The following CNTROB variants were observed in gnomAD, a reference collection of about 807,000 sequenced individuals.
CNTROB encodes centrobin, centriole duplication and spindle assembly protein, also known as centrobin.
A neutral mutation model predicts 115.7 loss-of-function variants in CNTROB; 82 were observed. The observed-to-expected ratio is 0.71, with a 90% CI of 0.59 to 0.85. The LOEUF is 0.85. CNTROB is among the 40% of genes least tolerant of loss of function. The pLI, the probability that CNTROB is intolerant of heterozygous loss-of-function variation, is 0.00. For synonymous variants in CNTROB, 439 were observed against 456.4 expected (o/e 0.96, Z 0.49); for missense variants, 1,014 against 1,144.4 (o/e 0.89, Z 1.64).
At position 7,939,892 on chromosome 17, in the gene CNTROB, G is replaced by T; in HGVS notation, c.1164+143G>T. 9 of 1,045,026 alleles carry T rather than the reference G, an allele frequency of 8.6e-6. No individual in the cohort carries two copies. Among genetic ancestry groups the T allele is most frequent in the Non-Finnish European group, 1.3e-5 (9 of 708,352 alleles). 64.7% of individuals were successfully genotyped at this position (1,045,026 alleles called of 1,614,324 possible). A position where few individuals can be genotyped will look rare whatever the true frequency, so the allele number is the denominator to read the frequency against. On this transcript the variant is annotated intron_variant, in intron 8 of 18. Transcript: ENST00000563694. The surrounding 1 kb of genome is among the most constrained non-coding windows in gnomAD (Gnocchi z 4.4). ...AGCCATGTGTGGGAGACAAGGTTGA[G>T]AGTATAGGGCCAGCAGGAAGGGCTG...
At position 7,939,957 on chromosome 17, in the gene CNTROB, A is replaced by G. The variant is rs1367937025; in HGVS notation, c.1165-139A>G. On this transcript the variant is annotated intron_variant, in intron 8 of 18. Transcript: ENST00000563694. This position sits in a 1 kb window ranked among gnomAD's most constrained non-coding sequence, Gnocchi z 4.4. ...GTGAAAGGCCAAAGACTGAAATTCA[A>G]CAGGGATGGGGAAATAAAACAAATG... 4 of 1,167,164 alleles carry G rather than the reference A, an allele frequency of 3.4e-6. No homozygotes were observed. Among genetic ancestry groups the G allele is most frequent in the South Asian group, 1.5e-5 (1 of 66,988 alleles). The allele number at this position is 1,167,164 out of a possible 1,614,324, so 72.3% of individuals were successfully genotyped here.
intron 3 of CNTROB, chr17:7,934,786 A>G: frequency 2.8e-6 from 2 of 704,884 alleles, no homozygotes; most frequent in Middle Eastern, 6.2e-4. Flanking sequence ...CCCTCTAAAG[A>G]GTTAGCTTGT....
rs762328072 is a variant in CNTROB at position 7,935,108 on chromosome 17, T to G, written c.557T>G (p.Leu186Arg). Residue 186 changes from leucine (L) to arginine (R), a missense_variant, in exon 4 of 19, where the codon CTG (leucine) becomes CGG (arginine). Transcript: ENST00000563694. The stretch of plus-strand genomic sequence containing the variant: ...CTCAATCCCCCAGATTTTCAGGGGC[T>G]GAGAGATGCATTGGATTCAGAGCAT... Reference protein sequence around the residue: ...PPLNPPDFQGLRDALDSEHTR... With the variant: ...PPLNPPDFQGRRDALDSEHTR... 1 of 1,614,082 alleles carries G rather than the reference T, an allele frequency of 6.2e-7. No homozygotes were observed. Among genetic ancestry groups the G allele is most frequent in the Non-Finnish European group, 8.5e-7 (1 of 1,180,022 alleles).
Position 7,944,652 on chromosome 17 carries a change from CT to C in CNTROB, c.1734+16del, listed in dbSNP as rs1477904343. ...CCCAACCCTCCAGTACGCCTTACCC[CT>C]TGAGCTAAGCTTCTCCGTTATGTTC... On this transcript the variant is annotated intron_variant, in intron 12 of 18. Transcript: ENST00000563694. This position sits in a 1 kb window ranked among gnomAD's most constrained non-coding sequence, Gnocchi z 4.0. 4.4e-6 allele frequency: 7 copies of C among 1,593,230 alleles called. No homozygotes were observed. The highest frequency in any genetic ancestry group is 6.0e-6 in the Non-Finnish European group (7 of 1,169,218).
intron 13 of CNTROB, 39 bp downstream of exon 13, chr17:7,946,025 G>T: frequency 1.3e-6 from 2 of 1,581,836 alleles, no homozygotes; most frequent in Non-Finnish European, 8.7e-7. Context: ...CCCCTTCTGT[G>T]CATGAATTGG....
rs1974350820 is a variant in CNTROB at position 7,944,939 on chromosome 17, G to A, written c.1734+301G>A. 6.6e-6 allele frequency among the ~76,000 whole-genome samples: 1 copy of A among 152,144 alleles called. No individual in the cohort carries two copies. Among genetic ancestry groups the A allele is most frequent in the Admixed American group, 6.6e-5 (1 of 15,266 alleles). Reference sequence around the variant, plus strand: ...AGGCCTACATCAGGGGAGAAAAATCGGTGGACTTTACAAATAATAACTGCC... The same window carrying A: ...AGGCCTACATCAGGGGAGAAAAATCAGTGGACTTTACAAATAATAACTGCC... On this transcript the variant is annotated intron_variant, in intron 12 of 18. Coordinates refer to ENST00000563694, the MANE Select transcript of CNTROB (RefSeq NM_053051.5). The surrounding 1 kb of genome is among the most constrained non-coding windows in gnomAD (Gnocchi z 4.0).
rs1233397269 is a variant in CNTROB at position 7,944,090 on chromosome 17, TC to T, written c.1446-32del. 3.8e-6 allele frequency: 6 copies of T among 1,572,250 alleles called. No individual in the cohort carries two copies. In the South Asian group the frequency reaches 6.7e-5, roughly 18 times the overall value. ...AGTTGGTCACTTCTTCTGTCTCCAG[TC>T]TCAGGCCTCTTCTCCTACCTGTGCC... On this transcript the variant is annotated intron_variant, in intron 10 of 18. Transcript: ENST00000563694. This position sits in a 1 kb window ranked among gnomAD's most constrained non-coding sequence, Gnocchi z 4.0.
intron 3 of CNTROB, 37 bp downstream of exon 3, chr17:7,934,583 T>C (rs1439551560): frequency 1.3e-6 from 2 of 1,558,946 alleles, no homozygotes. Flanking sequence ...CTTGTTTGCT[T>C]TCTTGGAAAT....
Position 7,933,269 on chromosome 17 carries a change from C to T in CNTROB, c.190C>T (p.Pro64Ser). Reference sequence around the variant, plus strand: ...GCTGTATTTACCCTCCACCTCCCCGCCTCATGAAGGGTTAGACGGCTTCGC... The same window carrying T: ...GCTGTATTTACCCTCCACCTCCCCGTCTCATGAAGGGTTAGACGGCTTCGC... ...AQLYLPSTSPPHEGLDGFAQE... is the reference protein window; with the variant it reads ...AQLYLPSTSPSHEGLDGFAQE... Residue 64 changes from proline to serine, a missense_variant, in exon 1 of 19, where the codon CCT becomes TCT. Coordinates refer to ENST00000563694, the MANE Select transcript of CNTROB (RefSeq NM_053051.5). 1 of 1,614,226 alleles carries T rather than the reference C, an allele frequency of 6.2e-7. No homozygotes were observed. The highest frequency in any genetic ancestry group is 8.5e-7 in the Non-Finnish European group (1 of 1,180,042).
chr17:7,944,255 G>A lies in CNTROB; in HGVS notation c.1571+7G>A. The A allele has an allele frequency of 6.2e-7, 1 of 1,613,640 alleles. No individual in the cohort carries two copies. The highest frequency in any genetic ancestry group is 8.5e-7 in the Non-Finnish European group (1 of 1,179,530). On this transcript the variant is annotated splice_region_variant and intron_variant, in intron 11 of 18. Transcript: ENST00000563694. The surrounding 1 kb of genome is among the most constrained non-coding windows in gnomAD (Gnocchi z 4.0). ...CTGAGGACTACGAGCTCAGGTCCTG[G>A]TCCCCAGAGTGCCCCTTTCAGGCCC...
At position 7,949,538 on chromosome 17, in the gene CNTROB, C is replaced by G; in HGVS notation, c.*28C>G. 6.3e-7 allele frequency: 1 copy of G among 1,576,662 alleles called. No individual in the cohort carries two copies. The highest frequency in any genetic ancestry group is 8.6e-7 in the Non-Finnish European group (1 of 1,163,118). On this transcript the variant is annotated 3_prime_UTR_variant, in exon 19 of 19. Coordinates refer to ENST00000563694, the MANE Select transcript of CNTROB (RefSeq NM_053051.5). Reference sequence around the variant, plus strand: ...CCCCCTACCCTCTCTCCTCTTTGTTCTCTCATTGTTGTTATTTTAATAAAT... The same window carrying G: ...CCCCCTACCCTCTCTCCTCTTTGTTGTCTCATTGTTGTTATTTTAATAAAT...
intron 13 of CNTROB, among the ~76,000 whole-genome samples, 178 bp downstream of exon 13, chr17:7,946,164 A>T (rs1365535516): frequency 2.0e-5 from 3 of 152,256 alleles, no homozygotes; most frequent in Admixed American, 1.3e-4. Flanking sequence ...TTGAGATCTC[A>T]TGGAAATATG....
chr17:7,934,422 C>T, intron 2 of CNTROB, 43 bp from the exon 3 acceptor site: 1 of 1,590,508 alleles, frequency 6.3e-7, no homozygotes, highest in African/African-American at 1.3e-5. Context: ...CTGTTTTTGT[C>T]ATTACCTGAC....
chr17:7,933,268 G>A lies in CNTROB; in HGVS notation c.189G>A (p.Pro63=). The A allele has an allele frequency of 6.2e-7, 1 of 1,614,210 alleles. No homozygotes were observed. Among genetic ancestry groups the A allele is most frequent in the South Asian group, 1.1e-5 (1 of 91,086 alleles). Residue 63 remains proline (P), a synonymous_variant, in exon 1 of 19, where the codon CCG becomes CCA. Coordinates refer to ENST00000563694, the MANE Select transcript of CNTROB (RefSeq NM_053051.5). ...RAQLYLPSTS[P]PHEGLDGFAQ... The stretch of plus-strand genomic sequence containing the variant: ...AGCTGTATTTACCCTCCACCTCCCC[G>A]CCTCATGAAGGGTTAGACGGCTTCG...
intron 1 of CNTROB, 28 bp from the exon 2 acceptor site, chr17:7,934,110 A>G: frequency 6.3e-7 from 1 of 1,593,750 alleles, no homozygotes; most frequent in Non-Finnish European, 8.6e-7. Context: ...CACAGACTGC[A>G]TCTGATTTCC....
Position 7,949,540 on chromosome 17 carries a change from C to G in CNTROB, c.*30C>G, listed in dbSNP as rs763257493. ...CCCTACCCTCTCTCCTCTTTGTTCT[C>G]TCATTGTTGTTATTTTAATAAATGC... On this transcript the variant is annotated 3_prime_UTR_variant, in exon 19 of 19. Transcript: ENST00000563694. 1 of 1,568,492 alleles carries G rather than the reference C, an allele frequency of 6.4e-7. No individual in the cohort carries two copies. Among genetic ancestry groups the G allele is most frequent in the East Asian group, 2.3e-5 (1 of 44,386 alleles).
In CNTROB at chr17:7,932,759, C is replaced by G; in HGVS notation, c.-321C>G. On this transcript the variant is annotated 5_prime_UTR_variant, in exon 1 of 19. Transcript: ENST00000563694. ...GAGTTGATCTGCAGCTTCCAGCACT[C>G]GTAGTCGGGAAGAGGAGCTTCAGCA... The G allele has an allele frequency of 3.3e-6, 1 of 299,148 alleles. No homozygotes were observed. Among genetic ancestry groups the G allele is most frequent in the African/African-American group, 2.2e-5 (1 of 45,924 alleles). The allele number at this position is 299,148 out of a possible 1,614,324, so 18.5% of individuals were successfully genotyped here.
At position 7,943,583 on chromosome 17, in the gene CNTROB, G is replaced by A; in HGVS notation, c.1445+59G>A. On this transcript the variant is annotated intron_variant, in intron 10 of 18. Coordinates refer to ENST00000563694, the MANE Select transcript of CNTROB (RefSeq NM_053051.5). This position sits in a 1 kb window ranked among gnomAD's most constrained non-coding sequence, Gnocchi z 4.7. Reference sequence around the variant, plus strand: ...GCCACAGCACGTATCGTTAGTGCCAGGCCTGTGTTCCCTTCAATCCCTTTG... The same window carrying A: ...GCCACAGCACGTATCGTTAGTGCCAAGCCTGTGTTCCCTTCAATCCCTTTG... The A allele has an allele frequency of 6.5e-7, 1 of 1,548,992 alleles. No individual in the cohort carries two copies. Among genetic ancestry groups the A allele is most frequent in the Non-Finnish European group, 8.8e-7 (1 of 1,136,428 alleles).
In CNTROB at chr17:7,948,090, T is replaced by C; in HGVS notation, c.2210-67T>C. 1 of 1,603,358 alleles carries C rather than the reference T, an allele frequency of 6.2e-7. No individual in the cohort carries two copies. ...AAAAGTAATAAAGCCTTATAAATGC[T>C]GGGTGGTGGGACTTCCTTGGTTCTA... is the stretch of plus-strand genomic sequence containing the variant. On this transcript the variant is annotated intron_variant, in intron 15 of 18. Coordinates refer to ENST00000563694, the MANE Select transcript of CNTROB (RefSeq NM_053051.5). The surrounding 1 kb of genome is among the most constrained non-coding windows in gnomAD (Gnocchi z 4.4).
Sources: gnomAD v4.1 joint callset for allele counts (sites outside exome capture counted in the v4.1 genomes callset) on GRCh38, gnomAD v4.1.1 for gene constraint, Gnocchi (gnomAD v3.1) non-coding constraint, MANE v1.5 for transcripts, NCBI Gene and HGNC (gene_info 2026-07-23, HGNC 2026-07-21) for gene names.